Variants in ELAPOR1 observed in about 807,000 individuals in gnomAD.
ELAPOR1 encodes the protein endosome-lysosome associated apoptosis and autophagy regulator 1.
A neutral mutation model predicts 119.7 loss-of-function variants in ELAPOR1; 77 were observed. That is an observed-to-expected ratio of 0.64 (90% CI 0.54 to 0.78). The LOEUF is 0.78. Among genes scored for constraint, ELAPOR1 ranks in the 30% least tolerant of loss-of-function variants. The probability of loss-of-function intolerance (pLI) is 0.00; values close to 1 mark genes in which losing one functional copy is unlikely to be tolerated. For synonymous variants in ELAPOR1, 481 were observed against 487.2 expected, an observed-to-expected ratio of 0.99 and a Z score of 0.17; for missense variants, 1,115 against 1,270.4, an observed-to-expected ratio of 0.88 and a Z score of 1.86.
chr1:109,191,985 T>A, intron 13 of ELAPOR1, 122 bp downstream of exon 13: 1 of 1,263,918 alleles, frequency 7.9e-7, no homozygotes, highest in Non-Finnish European at 1.1e-6. Flanking sequence ...TCTCAGGGGG[T>A]CAAGCAGAAA....
At chr1:109,195,311 G>A (rs552298647) in intron 15 of ELAPOR1, among the ~76,000 whole-genome samples, 2 of 151,936 alleles carry the variant, frequency 1.3e-5, no homozygotes, top group East Asian at 1.9e-4. Flanking sequence ...GGCTAACACG[G>A]TGAAACCCTG....
intron 8 of ELAPOR1, chr1:109,187,713 G>C: frequency 1.1e-6 from 1 of 908,940 alleles, no homozygotes; most frequent in Non-Finnish European, 1.3e-6. Context: ...ATAAATAAAA[G>C]AGCAAAGAAT....
At chr1:109,136,725 G>C (rs542135988) in intron 1 of ELAPOR1, among the ~76,000 whole-genome samples, 1 of 152,186 alleles carries the variant, frequency 6.6e-6, no homozygotes, top group South Asian at 2.1e-4. Flanking sequence ...ACGAACTCCT[G>C]TGTCTCTAGA....
intron 11 of ELAPOR1, among the ~76,000 whole-genome samples, chr1:109,190,573 C>T (rs115770255): frequency 1.1e-3 from 174 of 152,334 alleles, no homozygotes; most frequent in African/African-American, 3.9e-3. Context: ...TGGGATGTTG[C>T]TCAGTTTGCC....
chr1:109,177,021 G>T (rs1422413112), intron 7 of ELAPOR1, among the ~76,000 whole-genome samples: 173 of 137,638 alleles, frequency 1.3e-3, no homozygotes, highest in African/African-American at 4.7e-3. Flanking sequence ...ACACAGACAT[G>T]GCAACCATCC....
At chr1:109,183,574 T>A (rs921144848) in intron 7 of ELAPOR1, among the ~76,000 whole-genome samples, 1 of 8,880 alleles carries the variant, frequency 1.1e-4, no homozygotes, top group Non-Finnish European at 6.4e-4. Context: ...CCTTCCTTCC[T>A]TCCTTCCTTC....
intron 7 of ELAPOR1, among the ~76,000 whole-genome samples, chr1:109,175,767 C>T (rs1204827943): frequency 2.3e-5 from 3 of 132,432 alleles, no homozygotes; most frequent in African/African-American, 8.6e-5. Flanking sequence ...GTGGAGGTTG[C>T]AGTGAGCAGA....
At chr1:109,194,831 G>C (rs116465504) in intron 15 of ELAPOR1, among the ~76,000 whole-genome samples, 85 of 152,346 alleles carry the variant, frequency 5.6e-4, no homozygotes, top group African/African-American at 1.9e-3. Flanking sequence ...CCGGGTGCCT[G>C]GTGCGGTGGC....
chr1:109,114,123 G>T lies in ELAPOR1; in HGVS notation c.-61G>T. 10 of 1,453,254 alleles carry T rather than the reference G, an allele frequency of 6.9e-6. No homozygotes were observed. Among genetic ancestry groups the T allele is most frequent in the Admixed American group, 5.3e-5 (2 of 37,634 alleles). 90.0% of individuals were successfully genotyped at this position (1,453,254 alleles called of 1,614,324 possible). On this transcript the variant is annotated 5_prime_UTR_variant, in exon 1 of 22. Transcript: ENST00000369939. ...TCCCTCCCCTTTTTTTCCGCCTTCT[G>T]CCAGCAGAAGCAGCAGCCGCAGCAC... is the stretch of plus-strand genomic sequence containing the variant.
intron 1 of ELAPOR1, among the ~76,000 whole-genome samples, chr1:109,148,256 AGTCCCCCG>A (rs1650311455): frequency 6.6e-6 from 1 of 151,502 alleles, no homozygotes; most frequent in African/African-American, 2.4e-5. Flanking sequence ...CTCCTGCCTC[AGTCCCCCG>A]AGTAGCTGGG....
intron 3 of ELAPOR1, among the ~76,000 whole-genome samples, chr1:109,167,638 T>A (rs1220283951): frequency 1.3e-5 from 2 of 152,084 alleles, no homozygotes; most frequent in Non-Finnish European, 2.9e-5. Context: ...AAACAAGGTC[T>A]CACTCTGTCA....
At chr1:109,123,333 A>G (rs938905850) in intron 1 of ELAPOR1, among the ~76,000 whole-genome samples, 24 of 152,250 alleles carry the variant, frequency 1.6e-4, no homozygotes, top group African/African-American at 5.8e-4. Context: ...TAGGAAAGAA[A>G]AGTAAAGGAT....
chr1:109,150,835 C>G (rs911779222), intron 1 of ELAPOR1, among the ~76,000 whole-genome samples: 2 of 152,124 alleles, frequency 1.3e-5, no homozygotes, highest in African/African-American at 4.8e-5. Flanking sequence ...TGCAGCCACC[C>G]TGTTAAAAAG....
chr1:109,201,190 A>G (rs1368362438), intron 21 of ELAPOR1: 1 of 498,954 alleles, frequency 2.0e-6, no homozygotes, highest in Non-Finnish European at 3.8e-6. Flanking sequence ...GTACTGAACC[A>G]TCTATGTTGT....
chr1:109,196,310 A>C (rs1367323347), intron 15 of ELAPOR1, among the ~76,000 whole-genome samples: 1 of 152,240 alleles, frequency 6.6e-6, no homozygotes, highest in Non-Finnish European at 1.5e-5. Flanking sequence ...GAAATAAACT[A>C]ATCTATGAAA....
At chr1:109,197,787 T>C (rs1360567307) in intron 16 of ELAPOR1, 133 bp downstream of exon 16, 3 of 1,107,452 alleles carry the variant, frequency 2.7e-6, no homozygotes, top group Non-Finnish European at 3.8e-6. Context: ...CCTCTTGACC[T>C]GTGTTTTCTA....
intron 1 of ELAPOR1, among the ~76,000 whole-genome samples, chr1:109,114,837 T>C (rs1647883922): frequency 6.6e-6 from 1 of 152,154 alleles, no homozygotes; most frequent in African/African-American, 2.4e-5. Context: ...AGAGGGATGA[T>C]AGGATTCCAG....
chr1:109,129,465 T>C (rs1260378208), intron 1 of ELAPOR1, among the ~76,000 whole-genome samples: 1 of 152,334 alleles, frequency 6.6e-6, no homozygotes. Flanking sequence ...TGAGCCGAGA[T>C]GGTGCCATTG....
intron 1 of ELAPOR1, 121 bp from the exon 2 acceptor site, chr1:109,161,773 T>G (rs1369984539): frequency 1.6e-6 from 2 of 1,240,390 alleles, no homozygotes; most frequent in Non-Finnish European, 1.1e-6. Context: ...CTGCCCGGGG[T>G]CCCAGGGCCC....
Sources: gnomAD v4.1 joint callset for allele counts (sites outside exome capture counted in the v4.1 genomes callset) on GRCh38, gnomAD v4.1.1 for gene constraint, MANE v1.5 for transcripts, NCBI Gene and HGNC (gene_info 2026-07-23, HGNC 2026-07-21) for gene names.